The following GORASP2 variants were observed in gnomAD, a reference collection of about 807,000 sequenced individuals.
GORASP2 encodes the protein golgi reassembly stacking protein 2.
In GORASP2, 22 loss-of-function variants were observed where a neutral mutation model predicts 45.7. The ratio of observed to expected loss-of-function variants is 0.48; its 90% CI spans 0.34 to 0.69. The LOEUF (loss-of-function observed/expected upper bound fraction) is 0.69, where lower values mean the gene tolerates loss of function less well. Ranked by LOEUF, GORASP2 falls within the 30% of genes least tolerant of loss-of-function variation. The pLI is 0.01. For synonymous variants in GORASP2, 221 were observed against 215.6 expected, an observed-to-expected ratio of 1.02 and a Z score of -0.22; for missense variants, 491 against 562.7, an observed-to-expected ratio of 0.87 and a Z score of 1.29.
At position 170,965,171 on chromosome 2, in the gene GORASP2, TC is replaced by T. The variant is rs1282724214; in HGVS notation, c.1019-616del. 5.3e-5 allele frequency among the ~76,000 whole-genome samples: 8 copies of T among 152,252 alleles called. No individual in the cohort carries two copies. In the East Asian group the frequency reaches 1.4e-3, roughly 26 times the overall value. The stretch of plus-strand genomic sequence containing the variant: ...TTCAAGCGATCCTCCCACCTTGGCC[TC>T]CCAAAGTGCTGGGGTTACAGGCGTG... On this transcript the variant is annotated intron_variant, in intron 9 of 9. Coordinates refer to ENST00000234160, the MANE Select transcript of GORASP2 (RefSeq NM_015530.5).
At chr2:170,949,828 G>A (rs1704259768) in intron 3 of GORASP2, 86 bp downstream of exon 3, 1 of 1,151,794 alleles carries the variant, frequency 8.7e-7, no homozygotes, top group Non-Finnish European at 1.3e-6. Context: ...GGCTTAATAA[G>A]ATTGTAAGGA....
chr2:170,957,934 C>A (rs1704467109), intron 7 of GORASP2, among the ~76,000 whole-genome samples: 1 of 152,200 alleles, frequency 6.6e-6, no homozygotes. Flanking sequence ...GTTGGTATTA[C>A]AGGTGCGAGT....
Position 170,966,000 on chromosome 2 carries a change from T to C in GORASP2, c.1229T>C (p.Leu410Pro). Reference protein sequence around the residue: ...TTAKADAASSLTVDVTPPTAK... With the variant: ...TTAKADAASSPTVDVTPPTAK... The stretch of plus-strand genomic sequence containing the variant: ...GCAAAGGCAGACGCTGCCTCCTCAC[T>C]CACTGTGGATGTGACGCCCCCCACT... Residue 410 changes from leucine to proline, a missense_variant, in exon 10 of 10, where the codon CTC becomes CCC. Around this residue, in one of 2 missense-constraint regions of GORASP2, gnomAD observed 297 missense variants for 292.3 expected, o/e 1.02. Coordinates refer to ENST00000234160, the MANE Select transcript of GORASP2 (RefSeq NM_015530.5). 1.2e-6 allele frequency: 2 copies of C among 1,613,898 alleles called. No homozygotes were observed. The highest frequency in any genetic ancestry group is 1.7e-6 in the Non-Finnish European group (2 of 1,179,930).
At chr2:170,961,628 T>A (rs778643480) in intron 7 of GORASP2, 35 bp from the exon 8 acceptor site, 1 of 1,106,954 alleles carries the variant, frequency 9.0e-7, no homozygotes, top group South Asian at 1.2e-5. Context: ...TCGACTAAAT[T>A]TGTTAGAAAT....
intron 7 of GORASP2, among the ~76,000 whole-genome samples, 164 bp from the exon 8 acceptor site, chr2:170,961,499 A>AT (rs1288588564): frequency 6.6e-6 from 1 of 152,210 alleles, no homozygotes; most frequent in African/African-American, 2.4e-5. Flanking sequence ...AGAGTCAGTG[A>AT]ATCTGCCGTA....
At chr2:170,957,539 G>A (rs1310933712) in intron 7 of GORASP2, among the ~76,000 whole-genome samples, 1 of 152,120 alleles carries the variant, frequency 6.6e-6, no homozygotes, top group Non-Finnish European at 1.5e-5. Context: ...GCCTTCCAAA[G>A]TGCTGGGATT....
chr2:170,956,554 G>T lies in GORASP2; in HGVS notation c.818G>T (p.Ser273Ile), dbSNP rs1439878439. The change falls in exon 7 of 10, where the codon AGT becomes ATT. Residue 273 changes from serine to isoleucine, a missense_variant. Ser to Ile is a moderately radical substitution (Grantham distance 142). Coordinates refer to ENST00000234160, the MANE Select transcript of GORASP2 (RefSeq NM_015530.5). ...CCACCAGCTGTCAGTAGTGTTCTCA[G>T]TACAGGTGTGCAGAAAAATATATTC... ...STPPAVSSVL[S>I]TGVPTVPLLP... The T allele has an allele frequency of 6.2e-7, 1 of 1,601,378 alleles. No homozygotes were observed. The highest frequency in any genetic ancestry group is 1.1e-5 in the South Asian group (1 of 87,980).
At chr2:170,937,303 GGC>G (rs1703980171) in intron 1 of GORASP2, among the ~76,000 whole-genome samples, 1 of 152,146 alleles carries the variant, frequency 6.6e-6, no homozygotes, top group African/African-American at 2.4e-5. Context: ...CGACTTCATG[GGC>G]TCCAGCAGTT....
At chr2:170,945,346 T>C (rs1274039373) in intron 1 of GORASP2, among the ~76,000 whole-genome samples, 2 of 151,532 alleles carry the variant, frequency 1.3e-5, no homozygotes, top group African/African-American at 2.4e-5. Context: ...AGAAAAAATT[T>C]AAAAATCAGC....
intron 1 of GORASP2, among the ~76,000 whole-genome samples, chr2:170,931,304 C>T (rs1703817424): frequency 6.6e-6 from 1 of 152,136 alleles, no homozygotes; most frequent in Non-Finnish European, 1.5e-5. Flanking sequence ...TTGTGTCTGC[C>T]TTCCTAAGAC....
intron 1 of GORASP2, among the ~76,000 whole-genome samples, chr2:170,932,393 A>G (rs1008391051): frequency 9.2e-5 from 14 of 152,280 alleles, no homozygotes; most frequent in African/African-American, 3.1e-4. Context: ...CAGTTAGCTC[A>G]CGGTAGTCTT....
In GORASP2 at chr2:170,956,414, T is replaced by G. The variant is rs752101630; in HGVS notation, c.700-22T>G. ...GAAATAAACTTAAGTAATCTTTGTG[T>G]TTTTTTTTCTTTTTTTGGAAGGTCC... On this transcript the variant is annotated intron_variant, in intron 6 of 9. Transcript: ENST00000234160. 208 of 1,559,930 alleles carry G rather than the reference T, an allele frequency of 1.3e-4. No individual in the cohort carries two copies. Among genetic ancestry groups the G allele is most frequent in the East Asian group, 7.4e-4 (33 of 44,418 alleles).
chr2:170,940,746 G>A (rs1704056764), intron 1 of GORASP2, among the ~76,000 whole-genome samples: 1 of 151,840 alleles, frequency 6.6e-6, no homozygotes, highest in African/African-American at 2.4e-5. Flanking sequence ...GCCAAAAAAT[G>A]TATTTTCCAT....
At chr2:170,945,501 C>CAAAAA (rs11396289) in intron 1 of GORASP2, among the ~76,000 whole-genome samples, 1 of 125,150 alleles carries the variant, frequency 8.0e-6, no homozygotes, top group Non-Finnish European at 1.6e-5. Flanking sequence ...GACCTTGTCT[C>CAAAAA]AAAAAAAAAA....
At position 170,950,297 on chromosome 2, in the gene GORASP2, C is replaced by T. The variant is rs757240863; in HGVS notation, c.435+7C>T. The T allele has an allele frequency of 1.0e-5, 14 of 1,402,708 alleles. No homozygotes were observed. Among genetic ancestry groups the T allele is most frequent in the Middle Eastern group, 1.8e-4 (1 of 5,658 alleles). 86.9% of individuals were successfully genotyped at this position (1,402,708 alleles called of 1,614,324 possible). ...AGATACAGTCATGAATGAGGTAATT[C>T]GTGTGTTTATTCATAGTGAGAACTA... On this transcript the variant is annotated splice_region_variant and intron_variant, in intron 4 of 9. Transcript: ENST00000234160.
rs184833471 is a variant in GORASP2, at chr2:170,953,950, A to G, written c.567-700A>G. ...GGCAGGGCAGACACTCTGATTGACA[A>G]TCCTACCAGCACTGCACACAACAGC... On this transcript the variant is annotated intron_variant, in intron 5 of 9. Coordinates refer to ENST00000234160, the MANE Select transcript of GORASP2 (RefSeq NM_015530.5). 1.2e-3 allele frequency: 180 copies of G among 152,378 alleles called. 3 individuals carry two copies. Among genetic ancestry groups the G allele is most frequent in the African/African-American group, 3.7e-3 (155 of 41,572 alleles). The allele number at this position is 152,378 out of a possible 1,614,324, so 9.4% of individuals were successfully genotyped here. A position where few individuals can be genotyped will look rare whatever the true frequency, so the allele number is the denominator to read the frequency against.
Position 170,930,380 on chromosome 2 carries a change from C to T in GORASP2, c.63+977C>T, listed in dbSNP as rs555315497. On this transcript the variant is annotated intron_variant, in intron 1 of 9. Coordinates refer to ENST00000234160, the MANE Select transcript of GORASP2 (RefSeq NM_015530.5). ...AACAGAGTGGCCGCAGCGTGTAGCG[C>T]CATTTAGGGGTGTAATAGAGTGTCA... is the stretch of plus-strand genomic sequence containing the variant. Among the ~76,000 whole-genome samples, 8 of 152,238 alleles carry T rather than the reference C, an allele frequency of 5.3e-5. No individual in the cohort carries two copies. The East Asian group carries it at 1.5e-3, about 29-fold the overall frequency.
rs566141249 is a variant in GORASP2, at chr2:170,966,276, G to A, written c.*146G>A. The A allele has an allele frequency of 7.2e-4, 482 of 668,476 alleles. 4 individuals carry two copies. In the South Asian group the frequency reaches 8.2e-3, roughly 11 times the overall value. 41.4% of individuals were successfully genotyped at this position (668,476 alleles called of 1,614,324 possible). ...TCCAAGGGGAAAACTAAACGAGGAC[G>A]TGGGTTGTATCCTGCCAGGTTGAGT... On this transcript the variant is annotated 3_prime_UTR_variant, in exon 10 of 10. Transcript: ENST00000234160.
At chr2:170,942,640 A>G (rs1704103353) in intron 1 of GORASP2, among the ~76,000 whole-genome samples, 1 of 152,230 alleles carries the variant, frequency 6.6e-6, no homozygotes, top group South Asian at 2.1e-4. Context: ...CGTTAGGGAT[A>G]TTATGAATAA....
Sources: gnomAD v4.1 joint callset for allele counts (sites outside exome capture counted in the v4.1 genomes callset) on GRCh38, gnomAD v4.1.1 for gene constraint, gnomAD v4.1.1 regional missense constraint, MANE v1.5 for transcripts, NCBI Gene and HGNC (gene_info 2026-07-23, HGNC 2026-07-21) for gene names.